LINGO1: variants seen among roughly 807,000 people sequenced by gnomAD.
LINGO1 encodes leucine-rich repeat and immunoglobulin-like domain-containing nogo receptor-interacting protein 1.
Under a neutral mutation model 37.3 loss-of-function variants are expected in LINGO1, and 11 were observed. That is an observed-to-expected ratio of 0.29 (90% CI 0.19 to 0.49). LINGO1 has a LOEUF of 0.49. LINGO1 is among the 20% of genes least tolerant of loss of function. The pLI is 0.99. For missense variants in LINGO1, 585 were observed against 878.2 expected, an observed-to-expected ratio of 0.67 and a Z score of 4.22; for synonymous variants, 387 against 403.0, an observed-to-expected ratio of 0.96 and a Z score of 0.48.
chr15:77,642,772 T>C (rs1354070807), intron 3 of LINGO1, among the ~76,000 whole-genome samples: 2 of 152,252 alleles, frequency 1.3e-5, no homozygotes, highest in Non-Finnish European at 2.9e-5. Context: ...CTGCAAGTGC[T>C]TCCCTTCTCC....
intron 1 of LINGO1, chr15:77,819,500 C>CT (rs1056319745): frequency 1.3e-5 from 2 of 151,780 alleles, no homozygotes; most frequent in Admixed American, 6.6e-5. Context: ...CGTCCCGCTC[C>CT]TGCCTCCTGC....
At chr15:77,758,721 A>G (rs2076445083) in intron 1 of LINGO1, among the ~76,000 whole-genome samples, 1 of 152,118 alleles carries the variant, frequency 6.6e-6, no homozygotes, top group Non-Finnish European at 1.5e-5. Context: ...CATCTGAAAA[A>G]CAATGAGACT....
chr15:77,677,019 C>T (rs879805791), intron 3 of LINGO1: 3 of 152,312 alleles, frequency 2.0e-5, no homozygotes, highest in Non-Finnish European at 4.4e-5. Context: ...GGGACCTGGT[C>T]CTCACACCCA....
At chr15:77,713,527 T>A (rs192533810) in intron 2 of LINGO1, among the ~76,000 whole-genome samples, 2 of 151,352 alleles carry the variant, frequency 1.3e-5, no homozygotes, top group Non-Finnish European at 2.9e-5. Flanking sequence ...CGGGGAGGGG[T>A]GTGCTGGCAC....
intron 2 of LINGO1, among the ~76,000 whole-genome samples, chr15:77,721,225 C>T (rs561431918): frequency 6.6e-6 from 1 of 152,170 alleles, no homozygotes; most frequent in Non-Finnish European, 1.5e-5. Context: ...GCCCTAACCC[C>T]CTCCAGCCAT....
At chr15:77,660,452 G>T (rs992537220) in intron 3 of LINGO1, among the ~76,000 whole-genome samples, 1 of 152,170 alleles carries the variant, frequency 6.6e-6, no homozygotes, top group Admixed American at 6.5e-5. Context: ...GTGAGCCCTG[G>T]GGGGAGAGCA....
chr15:77,799,657 T>G (rs370395917), intron 1 of LINGO1, among the ~76,000 whole-genome samples: 3 of 152,298 alleles, frequency 2.0e-5, no homozygotes, highest in African/African-American at 7.2e-5. Flanking sequence ...GCACCTCCCA[T>G]GAGCCAGGCA....
At chr15:77,750,392 T>G (rs1452111926) in intron 1 of LINGO1, among the ~76,000 whole-genome samples, 1 of 152,232 alleles carries the variant, frequency 6.6e-6, no homozygotes, top group East Asian at 1.9e-4. Context: ...ATTTTCCAGT[T>G]ATTTGTTTTA....
intron 1 of LINGO1, among the ~76,000 whole-genome samples, chr15:77,695,739 C>A (rs1027080355): frequency 6.6e-6 from 1 of 152,232 alleles, no homozygotes; most frequent in Non-Finnish European, 1.5e-5. Flanking sequence ...AGGCTGCCCA[C>A]CATGCCGGCC....
chr15:77,629,577 G>A (rs1454100172), intron 1 of LINGO1, among the ~76,000 whole-genome samples: 1 of 152,266 alleles, frequency 6.6e-6, no homozygotes, highest in East Asian at 1.9e-4. Context: ...TACCCTGTCT[G>A]TCTCTTCTCA....
chr15:77,738,109 C>T (rs2076220819), intron 1 of LINGO1, among the ~76,000 whole-genome samples: 1 of 152,192 alleles, frequency 6.6e-6, no homozygotes, highest in African/African-American at 2.4e-5. Context: ...AAGCCATCAG[C>T]AAACCCTATC....
At chr15:77,660,745 T>A (rs1040509823) in intron 3 of LINGO1, among the ~76,000 whole-genome samples, 1 of 148,750 alleles carries the variant, frequency 6.7e-6, no homozygotes, top group South Asian at 2.1e-4. Context: ...GAGTGGAGGG[T>A]GAGTAGCCTT....
intron 1 of LINGO1, among the ~76,000 whole-genome samples, chr15:77,626,168 C>T (rs1161128351): frequency 6.6e-6 from 1 of 152,102 alleles, no homozygotes; most frequent in Non-Finnish European, 1.5e-5. Flanking sequence ...GGGCTAGGGC[C>T]TAGGAAGGAC....
intron 2 of LINGO1, among the ~76,000 whole-genome samples, chr15:77,707,236 C>A (rs2075863875): frequency 6.6e-6 from 1 of 151,994 alleles, no homozygotes; most frequent in Non-Finnish European, 1.5e-5. Flanking sequence ...GAGGAGAAGT[C>A]CAAATGGAAG....
At chr15:77,665,908 C>G (rs1002948881) in intron 3 of LINGO1, among the ~76,000 whole-genome samples, 5 of 152,238 alleles carry the variant, frequency 3.3e-5, no homozygotes, top group Admixed American at 1.3e-4. Context: ...GCCTCTCTCC[C>G]CCATCCCAGC....
chr15:77,804,821 C>T (rs943410064), intron 1 of LINGO1, among the ~76,000 whole-genome samples: 1 of 152,184 alleles, frequency 6.6e-6, no homozygotes, highest in African/African-American at 2.4e-5. Flanking sequence ...CAGGTCCCTC[C>T]TGGGTACTGC....
At chr15:77,811,913 T>C (rs1008024045) in intron 1 of LINGO1, among the ~76,000 whole-genome samples, 1 of 151,786 alleles carries the variant, frequency 6.6e-6, no homozygotes, top group Non-Finnish European at 1.5e-5. Flanking sequence ...CTCTCTACTT[T>C]TTCGTATGTC....
chr15:77,753,015 T>C (rs1456637664), intron 1 of LINGO1, among the ~76,000 whole-genome samples: 1 of 152,232 alleles, frequency 6.6e-6, no homozygotes, highest in Non-Finnish European at 1.5e-5. Context: ...ATCTCTCAAG[T>C]ACTTCTCACA....
At chr15:77,696,811 C>G (rs369010039), upstream of LINGO1, among the ~76,000 whole-genome samples, 4 of 152,382 alleles carry the variant, frequency 2.6e-5, no homozygotes, top group South Asian at 6.2e-4. Flanking sequence ...CCCACCCACA[C>G]ACTCAGGACT....
Sources: allele counts gnomAD v4.1 joint callset (sites outside exome capture counted in the v4.1 genomes callset), GRCh38; gene constraint gnomAD v4.1.1; transcripts MANE v1.5; gene names NCBI Gene and HGNC (gene_info 2026-07-23, HGNC 2026-07-21).